Variants in SLC24A3 observed in about 807,000 individuals in gnomAD.
The protein encoded by SLC24A3 is solute carrier family 24 member 3.
Under a neutral mutation model 75.8 loss-of-function variants are expected in SLC24A3, and 28 were observed. The ratio of observed to expected loss-of-function variants is 0.37; its 90% confidence interval spans 0.27 to 0.51. The LOEUF is 0.51. Among genes scored for constraint, SLC24A3 ranks in the 20% least tolerant of loss-of-function variants. SLC24A3 has a pLI of 0.94. For missense variants in SLC24A3, 663 were observed against 847.8 expected (o/e 0.78, Z 2.71); for synonymous variants, 372 against 334.1 (o/e 1.11, Z -1.24).
intron 15 of SLC24A3, 84 bp from the exon 16 acceptor site, chr20:19,717,444 G>A (rs534447486): frequency 1.4e-6 from 2 of 1,381,046 alleles, no homozygotes; most frequent in Admixed American, 3.5e-5. Flanking sequence ...ACTCAGAGTT[G>A]CGTAGGCAGA....
At chr20:19,322,365 C>CCTT (rs71870940) in intron 2 of SLC24A3, among the ~76,000 whole-genome samples, 953 of 80,064 alleles carry the variant, frequency 0.012, 48 homozygotes, top group African/African-American at 0.056. Flanking sequence ...TTCCTTCCTT[C>CCTT]CCTTCCTTCC....
intron 6 of SLC24A3, among the ~76,000 whole-genome samples, chr20:19,620,443 AT>A (rs2122674642): frequency 6.6e-6 from 1 of 152,246 alleles, no homozygotes; most frequent in Non-Finnish European, 1.5e-5. Flanking sequence ...AGGGTGAGAG[AT>A]TAGGCGTTAT....
intron 2 of SLC24A3, among the ~76,000 whole-genome samples, chr20:19,361,978 G>A (rs534458541): frequency 3.3e-5 from 5 of 152,212 alleles, no homozygotes; most frequent in East Asian, 1.9e-4. Context: ...GTCGTATCTC[G>A]TTTTCATGCC....
At chr20:19,449,664 A>G (rs1357101327) in intron 2 of SLC24A3, among the ~76,000 whole-genome samples, 1 of 152,150 alleles carries the variant, frequency 6.6e-6, no homozygotes, top group African/African-American at 2.4e-5. Flanking sequence ...ATGAATGAGA[A>G]CTTCTTCCTG....
chr20:19,298,541 T>C (rs1326274903), intron 2 of SLC24A3, among the ~76,000 whole-genome samples: 1 of 151,682 alleles, frequency 6.6e-6, no homozygotes, highest in African/African-American at 2.4e-5. Context: ...TATTTAGGAG[T>C]TGATCCCAGG....
chr20:19,539,869 C>T (rs1164438113), intron 3 of SLC24A3, among the ~76,000 whole-genome samples: 1 of 152,150 alleles, frequency 6.6e-6, no homozygotes, highest in Admixed American at 6.6e-5. Flanking sequence ...AAGGGGGAAA[C>T]CTAGCATGCC....
At chr20:19,577,022 A>G (rs1052847134) in intron 3 of SLC24A3, among the ~76,000 whole-genome samples, 7 of 152,148 alleles carry the variant, frequency 4.6e-5, no homozygotes, top group African/African-American at 7.2e-5. Context: ...TTCCCAGGCT[A>G]CAAAGTACAG....
intron 2 of SLC24A3, among the ~76,000 whole-genome samples, chr20:19,413,515 G>A (rs1172205009): frequency 6.6e-6 from 1 of 152,086 alleles, no homozygotes; most frequent in Non-Finnish European, 1.5e-5. Context: ...AGACTGTCTG[G>A]GAAGATGCTC....
intron 1 of SLC24A3, among the ~76,000 whole-genome samples, chr20:19,235,549 A>G (rs1982142513): frequency 6.6e-6 from 1 of 152,118 alleles, no homozygotes; most frequent in African/African-American, 2.4e-5. Flanking sequence ...TCTCTGTACT[A>G]GCTCCTTCAC....
intron 3 of SLC24A3, 27 bp from the exon 4 acceptor site, chr20:19,579,973 T>C: frequency 6.3e-7 from 1 of 1,579,064 alleles, no homozygotes; most frequent in Non-Finnish European, 8.7e-7. Flanking sequence ...ACTCTAACTT[T>C]AACCCCTTTT....
Position 19,462,774 on chromosome 20 carries a change from C to T in SLC24A3, c.272-52714C>T, listed in dbSNP as rs528208364. On this transcript the variant is annotated intron_variant, in intron 2 of 16. Coordinates refer to ENST00000328041, the MANE Select transcript of SLC24A3 (RefSeq NM_020689.4). The stretch of plus-strand genomic sequence containing the variant: ...GACCAGAGCTGGGAGGTGGTGAGTG[C>T]AGATGGAAATGCATTAGCCTGGAGG... Among the ~76,000 whole-genome samples, 16 of 152,280 alleles carry T rather than the reference C, an allele frequency of 1.1e-4. No individual in the cohort carries two copies. The South Asian group carries it at 3.3e-3, about 32-fold the overall frequency.
chr20:19,652,836 CTG>C (rs2032223310), intron 6 of SLC24A3, among the ~76,000 whole-genome samples: 1 of 152,150 alleles, frequency 6.6e-6, no homozygotes, highest in South Asian at 2.1e-4. Flanking sequence ...CTTTTTCCCA[CTG>C]TGTTTGGTGT....
intron 2 of SLC24A3, among the ~76,000 whole-genome samples, chr20:19,282,295 G>GAAAAAC (rs1983688169): frequency 6.6e-6 from 1 of 152,046 alleles, no homozygotes; most frequent in Non-Finnish European, 1.5e-5. Flanking sequence ...ACCACCACCA[G>GAAAAAC]AAAAACAAAA....
chr20:19,368,600 CA>C (rs1416019961), intron 2 of SLC24A3, among the ~76,000 whole-genome samples: 3 of 152,208 alleles, frequency 2.0e-5, no homozygotes, highest in Admixed American at 6.5e-5. Flanking sequence ...CCTGCATGCT[CA>C]GGGGGCACCA....
chr20:19,601,801 G>T (rs1356309568), intron 6 of SLC24A3, among the ~76,000 whole-genome samples: 3 of 152,184 alleles, frequency 2.0e-5, no homozygotes, highest in South Asian at 4.1e-4. Flanking sequence ...TAAAAGAGGG[G>T]TGTAAGTTAA....
chr20:19,640,047 T>C (rs535979044), intron 6 of SLC24A3, among the ~76,000 whole-genome samples: 51 of 152,226 alleles, frequency 3.4e-4, no homozygotes, highest in Non-Finnish European at 5.0e-4. Flanking sequence ...TGAGGGAGCC[T>C]GCTGGGGCCT....
At chr20:19,558,356 T>C (rs2030822697) in intron 3 of SLC24A3, among the ~76,000 whole-genome samples, 1 of 152,144 alleles carries the variant, frequency 6.6e-6, no homozygotes, top group South Asian at 2.1e-4. Context: ...AGCTGCAAAA[T>C]AGCACAGAGA....
chr20:19,470,988 G>A (rs1007447051), intron 2 of SLC24A3, among the ~76,000 whole-genome samples: 2 of 152,288 alleles, frequency 1.3e-5, no homozygotes, highest in African/African-American at 2.4e-5. Flanking sequence ...AGAGGGAGAC[G>A]GCACAAGGTT....
chr20:19,520,531 G>GAAATAGGC lies in SLC24A3; in HGVS notation c.348+4968_348+4975dup, dbSNP rs1229545241. Among the ~76,000 whole-genome samples, 3 of 152,308 alleles carry GAAATAGGC rather than the reference G, an allele frequency of 2.0e-5. No individual in the cohort carries two copies. In the East Asian group the frequency reaches 5.8e-4, roughly 29 times the overall value. On this transcript the variant is annotated intron_variant, in intron 3 of 16. Coordinates refer to ENST00000328041, the MANE Select transcript of SLC24A3 (RefSeq NM_020689.4). The stretch of plus-strand genomic sequence containing the variant: ...CCATTAGGGGCTCATGTTATTAAAG[G>GAAATAGGC]AAATAGGCTCTCTACGGCGCAGGTC...
Sources: gnomAD v4.1 joint callset for allele counts (sites outside exome capture counted in the v4.1 genomes callset) on GRCh38, gnomAD v4.1.1 for gene constraint, MANE v1.5 for transcripts, NCBI Gene and HGNC (gene_info 2026-07-23, HGNC 2026-07-21) for gene names.